KCNK5: variants seen among roughly 807,000 people sequenced by gnomAD.
KCNK5 encodes the protein potassium two pore domain channel subfamily K member 5, also known as potassium channel subfamily K member 5.
Under a neutral mutation model 32.9 loss-of-function variants are expected in KCNK5, and 18 were observed. The observed-to-expected ratio is 0.55, with a 90% CI of 0.38 to 0.81. KCNK5 has a LOEUF of 0.81. Ranked by LOEUF, KCNK5 falls within the 30% of genes least tolerant of loss-of-function variation. KCNK5 has a pLI of 0.00. For missense variants in KCNK5, 507 were observed against 651.0 expected, an observed-to-expected ratio of 0.78 and a Z score of 2.41; for synonymous variants, 276 against 275.3, an observed-to-expected ratio of 1.00 and a Z score of -0.03.
intron 1 of KCNK5, among the ~76,000 whole-genome samples, chr6:39,208,719 C>T (rs1376088600): frequency 6.6e-6 from 1 of 152,240 alleles, no homozygotes. Flanking sequence ...TGAACGCAAA[C>T]CCCACCAGAA....
rs1412516177 is a variant in KCNK5 at position 39,194,291 on chromosome 6, A to T, written c.512T>A (p.Val171Asp). The change falls in exon 4 of 5, where the codon GTC (valine) becomes GAC (aspartate). Residue 171 changes from valine (V) to aspartate (D), a missense_variant. Val to Asp is a radical substitution (Grantham distance 152, BLOSUM62 -3). Coordinates refer to ENST00000359534, the MANE Select transcript of KCNK5 (RefSeq NM_003740.4). This position sits in a 1 kb window ranked among gnomAD's most constrained non-coding sequence, Gnocchi z 4.7. ...GGGTGGGATCACCAGGTGGACTAGG[A>T]CGCCCCACACGATGAAGATGACTGT... ...TCTVIFIVWG[V>D]LVHLVIPPFV... is the part of the protein sequence containing the mutation. The T allele has an allele frequency of 6.2e-7, 1 of 1,613,742 alleles. No individual in the cohort carries two copies. Among genetic ancestry groups the T allele is most frequent in the Admixed American group, 1.7e-5 (1 of 59,982 alleles).
Position 39,190,744 on chromosome 6 carries a change from A to T in KCNK5, c.*146T>A, listed in dbSNP as rs1770906377. The T allele has an allele frequency of 4.2e-6, 3 of 717,288 alleles. No individual in the cohort carries two copies. The East Asian group carries it at 8.6e-5, about 21-fold the overall frequency. The allele number at this position is 717,288 out of a possible 1,614,324, so 44.4% of individuals were successfully genotyped here. A position where few individuals can be genotyped will look rare whatever the true frequency, so the allele number is the denominator to read the frequency against. ...CCGGGCATACATCTAGCTGAGGATG[A>T]TGGAAGGTTAGGAAGGCCCCTGGCC... On this transcript the variant is annotated 3_prime_UTR_variant, in exon 5 of 5. Transcript: ENST00000359534.
At chr6:39,197,407 G>A (rs1437503740) in intron 1 of KCNK5, among the ~76,000 whole-genome samples, 1 of 152,330 alleles carries the variant, frequency 6.6e-6, no homozygotes, top group South Asian at 2.1e-4. Context: ...AGCTCACTGC[G>A]CTGCCTCCTC....
intron 1 of KCNK5, among the ~76,000 whole-genome samples, chr6:39,210,711 AC>A (rs199771371): frequency 6.6e-6 from 1 of 152,200 alleles, no homozygotes; most frequent in East Asian, 1.9e-4. Context: ...TCATAGTTTA[AC>A]AAGAGACAGG....
At chr6:39,222,887 G>A (rs1038109569) in intron 1 of KCNK5, among the ~76,000 whole-genome samples, 1 of 152,150 alleles carries the variant, frequency 6.6e-6, no homozygotes, top group African/African-American at 2.4e-5. Flanking sequence ...GGGTAGAGAG[G>A]GAGAAGAATT....
At chr6:39,211,297 C>G (rs997439527) in intron 1 of KCNK5, among the ~76,000 whole-genome samples, 5 of 152,268 alleles carry the variant, frequency 3.3e-5, no homozygotes, top group African/African-American at 1.2e-4. Context: ...CTTTCTACAG[C>G]CTGGTCCACC....
At chr6:39,202,308 G>A (rs1321414696) in intron 1 of KCNK5, among the ~76,000 whole-genome samples, 1 of 152,164 alleles carries the variant, frequency 6.6e-6, no homozygotes, top group Non-Finnish European at 1.5e-5. Flanking sequence ...GTTAAACAAG[G>A]TGGAAGCCTG....
intron 1 of KCNK5, among the ~76,000 whole-genome samples, chr6:39,199,068 A>T (rs1368319794): frequency 6.6e-6 from 1 of 152,108 alleles, no homozygotes; most frequent in East Asian, 1.9e-4. Flanking sequence ...AACGGACGGA[A>T]TCCCTGCCCT....
chr6:39,227,049 G>C (rs1342168231), intron 1 of KCNK5, among the ~76,000 whole-genome samples: 7 of 152,050 alleles, frequency 4.6e-5, no homozygotes, highest in Non-Finnish European at 7.4e-5. Context: ...ACCTTAAGAA[G>C]CCGTCTAGCC....
intron 1 of KCNK5, among the ~76,000 whole-genome samples, chr6:39,220,296 A>G (rs1376457794): frequency 1.3e-5 from 2 of 152,372 alleles, no homozygotes; most frequent in African/African-American, 4.8e-5. Context: ...GACAACAGCC[A>G]GAAGTACACA....
At chr6:39,203,937 T>G (rs1235744115) in intron 1 of KCNK5, among the ~76,000 whole-genome samples, 2 of 152,162 alleles carry the variant, frequency 1.3e-5, no homozygotes, top group Non-Finnish European at 2.9e-5. Flanking sequence ...TCCCCCCGGG[T>G]CAGGTGACCA....
intron 1 of KCNK5, among the ~76,000 whole-genome samples, chr6:39,202,771 G>A (rs1771152404): frequency 6.6e-6 from 1 of 152,088 alleles, no homozygotes; most frequent in African/African-American, 2.4e-5. Flanking sequence ...TGCAGCTCAG[G>A]TTTAGCTCTA....
intron 1 of KCNK5, among the ~76,000 whole-genome samples, chr6:39,223,715 C>G (rs1178032140): frequency 6.6e-6 from 1 of 152,206 alleles, no homozygotes; most frequent in Non-Finnish European, 1.5e-5. Context: ...CAACCACACA[C>G]ACAGTTCAGA....
At chr6:39,220,376 C>T (rs531547378) in intron 1 of KCNK5, among the ~76,000 whole-genome samples, 1 of 152,174 alleles carries the variant, frequency 6.6e-6, no homozygotes, top group Non-Finnish European at 1.5e-5. Flanking sequence ...ATGCACATTT[C>T]AAAGCCAATC....
chr6:39,223,302 A>G (rs923594740), intron 1 of KCNK5, among the ~76,000 whole-genome samples: 1 of 152,336 alleles, frequency 6.6e-6, no homozygotes, highest in South Asian at 2.1e-4. Context: ...TCCTTCAGCA[A>G]CACCACCAAG....
intron 1 of KCNK5, among the ~76,000 whole-genome samples, chr6:39,207,213 G>A (rs948382095): frequency 5.3e-5 from 8 of 152,296 alleles, no homozygotes; most frequent in South Asian, 4.1e-4. Flanking sequence ...TTAAGCCTCC[G>A]TCCCGCTCCC....
At chr6:39,217,317 C>G (rs1295264164) in intron 1 of KCNK5, among the ~76,000 whole-genome samples, 1 of 152,162 alleles carries the variant, frequency 6.6e-6, no homozygotes, top group South Asian at 2.1e-4. Context: ...CTCAGGGCCA[C>G]AGCCAGGGCT....
chr6:39,225,577 G>T (rs997483094), intron 1 of KCNK5, among the ~76,000 whole-genome samples: 1 of 152,166 alleles, frequency 6.6e-6, no homozygotes, highest in African/African-American at 2.4e-5. Flanking sequence ...AATGAGAAGC[G>T]CAGAGGGGTG....
At position 39,194,880 on chromosome 6, in the gene KCNK5, T is replaced by A; in HGVS notation, c.299-120A>T. On this transcript the variant is annotated intron_variant, in intron 2 of 4. Coordinates refer to ENST00000359534, the MANE Select transcript of KCNK5 (RefSeq NM_003740.4). This position sits in a 1 kb window ranked among gnomAD's most constrained non-coding sequence, Gnocchi z 4.7. ...TTGATATTGATCTATTGTCAGTACT[T>A]AAGTAATGATATTTCCCTTGATCAT... The A allele has an allele frequency of 1.3e-6, 1 of 790,420 alleles. No individual in the cohort carries two copies. The highest frequency in any genetic ancestry group is 2.1e-6 in the Non-Finnish European group (1 of 480,712). The allele number at this position is 790,420 out of a possible 1,614,324, so 49.0% of individuals were successfully genotyped here.
Sources: allele counts gnomAD v4.1 joint callset (sites outside exome capture counted in the v4.1 genomes callset), GRCh38; gene constraint gnomAD v4.1.1; non-coding constraint Gnocchi (gnomAD v3.1); transcripts MANE v1.5; gene names NCBI Gene and HGNC (gene_info 2026-07-23, HGNC 2026-07-21).